Variants in NAA15 observed in about 807,000 individuals in gnomAD.
NAA15 encodes the protein N-alpha-acetyltransferase 15, NatA auxiliary subunit, also known as N-terminal acetyltransferase.
A neutral mutation model predicts 114.0 loss-of-function variants in NAA15; 34 were observed. That is an observed-to-expected ratio of 0.30 (90% CI 0.23 to 0.40). The LOEUF (loss-of-function observed/expected upper bound fraction) is 0.40, where lower values mean the gene tolerates loss of function less well. Among genes scored for constraint, NAA15 ranks in the 10% least tolerant of loss-of-function variants. The pLI is 1.00. For missense variants in NAA15, 658 were observed against 1,004.5 expected, an observed-to-expected ratio of 0.66 and a Z score of 4.66; for synonymous variants, 340 against 338.0, an observed-to-expected ratio of 1.01 and a Z score of -0.06.
At chr4:139,343,775 T>C (rs1747488438) in intron 5 of NAA15, among the ~76,000 whole-genome samples, 1 of 152,242 alleles carries the variant, frequency 6.6e-6, no homozygotes, top group Non-Finnish European at 1.5e-5. Context: ...AGTTTGAGAC[T>C]GAATAGCCTA....
At chr4:139,343,074 G>T in intron 5 of NAA15, 114 bp downstream of exon 5, 3 of 899,362 alleles carry the variant, frequency 3.3e-6, no homozygotes, top group South Asian at 3.7e-5. Flanking sequence ...TAGAAAAGTT[G>T]CAGGAATAGC....
intron 10 of NAA15, among the ~76,000 whole-genome samples, chr4:139,355,846 A>G (rs1747932653): frequency 6.6e-6 from 1 of 152,164 alleles, no homozygotes; most frequent in Non-Finnish European, 1.5e-5. Context: ...TGTTAGTTTT[A>G]TATGTTAGCA....
At chr4:139,321,838 A>T (rs1226931888) in intron 1 of NAA15, among the ~76,000 whole-genome samples, 1 of 151,944 alleles carries the variant, frequency 6.6e-6, no homozygotes, top group Non-Finnish European at 1.5e-5. Context: ...TTAGTGTTAC[A>T]TAATAGTAAC....
chr4:139,359,259 G>C (rs1748059926), intron 11 of NAA15, among the ~76,000 whole-genome samples: 1 of 151,984 alleles, frequency 6.6e-6, no homozygotes, highest in African/African-American at 2.4e-5. Flanking sequence ...CTTCCAAGTA[G>C]CTGGGATTAC....
At chr4:139,302,394 A>G (rs1285210563) in intron 1 of NAA15, 1 of 152,584 alleles carries the variant, frequency 6.6e-6, no homozygotes, top group Non-Finnish European at 1.5e-5. Context: ...AGAGAAGGAA[A>G]GAAAGCTTTT....
chr4:139,315,907 T>C (rs1169799852), intron 1 of NAA15, among the ~76,000 whole-genome samples: 1 of 151,814 alleles, frequency 6.6e-6, no homozygotes, highest in Non-Finnish European at 1.5e-5. Flanking sequence ...TTTCTTCTAT[T>C]TGGTTTATCA....
At chr4:139,316,923 A>G (rs566719522) in intron 1 of NAA15, among the ~76,000 whole-genome samples, 6 of 150,380 alleles carry the variant, frequency 4.0e-5, no homozygotes, top group African/African-American at 7.4e-5. Context: ...TTTATCATCA[A>G]CCCTCCAAAT....
chr4:139,319,035 T>TC (rs1027104513), intron 1 of NAA15, among the ~76,000 whole-genome samples: 12 of 152,038 alleles, frequency 7.9e-5, no homozygotes, highest in Non-Finnish European at 1.8e-4. Context: ...ACGCCTGTCA[T>TC]CCCAGCACTT....
chr4:139,376,662 A>G (rs564368002), intron 16 of NAA15, among the ~76,000 whole-genome samples, 189 bp downstream of exon 16: 2 of 152,334 alleles, frequency 1.3e-5, no homozygotes, highest in South Asian at 2.1e-4. Context: ...CTTTTAGGAT[A>G]TTAGAATCAA....
At chr4:139,355,004 G>C (rs1428648244) in intron 10 of NAA15, among the ~76,000 whole-genome samples, 1 of 152,150 alleles carries the variant, frequency 6.6e-6, no homozygotes, top group East Asian at 1.9e-4. Context: ...AGCCTCCCGA[G>C]TAGCTGGGAC....
In NAA15 at chr4:139,309,066, G is replaced by A. The variant is rs146161050; in HGVS notation, c.54+7235G>A. ...GATTTTTCTGTAAAAATCGAGTGAG[G>A]GCCGGGCACAGTGGCTCACGCCTGT... On this transcript the variant is annotated intron_variant, in intron 1 of 19. Transcript: ENST00000296543. 8.5e-3 allele frequency among the ~76,000 whole-genome samples: 1,289 copies of A among 151,882 alleles called. 20 individuals carry two copies. The highest frequency in any genetic ancestry group is 0.03 in the African/African-American group (1,235 of 41,462).
chr4:139,336,785 GTTAT>G (rs1747214249), intron 2 of NAA15, 59 bp from the exon 3 acceptor site: 1 of 945,934 alleles, frequency 1.1e-6, no homozygotes, highest in Non-Finnish European at 1.5e-6. Context: ...TGGTTCTGTT[GTTAT>G]TTATTTTTAA....
At chr4:139,369,594 C>T (rs151299585) in intron 14 of NAA15, among the ~76,000 whole-genome samples, 20,814 of 151,748 alleles carry the variant, frequency 0.14, 1,742 homozygotes, top group Non-Finnish European at 0.19. Context: ...AAAAATCAGC[C>T]GGACGTGGTG....
At chr4:139,315,333 A>G (rs1426356177) in intron 1 of NAA15, among the ~76,000 whole-genome samples, 1 of 151,900 alleles carries the variant, frequency 6.6e-6, no homozygotes, top group Non-Finnish European at 1.5e-5. Flanking sequence ...CAGCCTGGGC[A>G]ATATGGCAAA....
At chr4:139,341,584 ACT>A (rs1469198279) in intron 4 of NAA15, among the ~76,000 whole-genome samples, 2 of 105,394 alleles carry the variant, frequency 1.9e-5, no homozygotes, top group African/African-American at 8.7e-5. Context: ...ACAGAGCGAA[ACT>A]CTGTCTCAAA....
At position 139,344,129 on chromosome 4, in the gene NAA15, A is replaced by G. The variant is rs1343325357; in HGVS notation, c.538-57A>G. 9 of 1,434,348 alleles carry G rather than the reference A, an allele frequency of 6.3e-6. No individual in the cohort carries two copies. In the African/African-American group the frequency reaches 1.2e-4, roughly 18 times the overall value. The allele number at this position is 1,434,348 out of a possible 1,614,324, so 88.9% of individuals were successfully genotyped here. A position where few individuals can be genotyped will look rare whatever the true frequency, so the allele number is the denominator to read the frequency against. On this transcript the variant is annotated intron_variant, in intron 5 of 19. Transcript: ENST00000296543. Reference sequence around the variant, plus strand: ...TACATGTTTTTGAGTATTGTGAACAATTTTCTGATATGAAAATAAAATTCT... The same window carrying G: ...TACATGTTTTTGAGTATTGTGAACAGTTTTCTGATATGAAAATAAAATTCT...
Position 139,330,985 on chromosome 4 carries a change from T to C in NAA15, c.55-3189T>C, listed in dbSNP as rs145456853. ...TTTTGTCATCACTTGCATTAACTTC[T>C]TTCCCAGATTTTAAATATATTGCCT... On this transcript the variant is annotated intron_variant, in intron 1 of 19. Coordinates refer to ENST00000296543, the MANE Select transcript of NAA15 (RefSeq NM_057175.5). 7.4e-3 allele frequency among the ~76,000 whole-genome samples: 1,124 copies of C among 152,184 alleles called. 14 individuals carry two copies. The highest frequency in any genetic ancestry group is 0.025 in the African/African-American group (1,036 of 41,488).
intron 14 of NAA15, among the ~76,000 whole-genome samples, chr4:139,369,000 A>C (rs1748358660): frequency 6.6e-6 from 1 of 152,200 alleles, no homozygotes; most frequent in South Asian, 2.1e-4. Context: ...TTCAATATTA[A>C]ATTTTTAATT....
chr4:139,357,064 A>G (rs994019653), intron 10 of NAA15, among the ~76,000 whole-genome samples: 14 of 151,676 alleles, frequency 9.2e-5, no homozygotes, highest in Admixed American at 5.3e-4. Context: ...CCTGATCAGT[A>G]TGCTCTCATA....
Sources: allele counts gnomAD v4.1 joint callset (sites outside exome capture counted in the v4.1 genomes callset), GRCh38; gene constraint gnomAD v4.1.1; transcripts MANE v1.5; gene names NCBI Gene and HGNC (gene_info 2026-07-23, HGNC 2026-07-21).